The following NUGGC variants were observed in gnomAD, a reference collection of about 807,000 sequenced individuals.
NUGGC encodes the protein nuclear GTPase SLIP-GC.
In NUGGC, 58 loss-of-function variants were observed where a neutral mutation model predicts 92.6. The observed-to-expected ratio is 0.63, with a 90% CI of 0.51 to 0.78. The LOEUF (loss-of-function observed/expected upper bound fraction) is 0.78, where lower values mean the gene tolerates loss of function less well. Among genes scored for constraint, NUGGC ranks in the 30% least tolerant of loss-of-function variants. The pLI, the probability that NUGGC is intolerant of heterozygous loss-of-function variation, is 0.00. For missense variants in NUGGC, 925 were observed against 964.6 expected (o/e 0.96, Z 0.54); for synonymous variants, 376 against 366.4 (o/e 1.03, Z -0.30).
chr8:28,057,626 A>G, intron 9 of NUGGC, among the ~76,000 whole-genome samples: 1 of 152,092 alleles, frequency 6.6e-6, no homozygotes. Flanking sequence ...GGCATGAGTC[A>G]CCAAGTCCTG....
chr8:28,029,029 T>C (rs747956681), intron 17 of NUGGC, among the ~76,000 whole-genome samples: 3 of 152,136 alleles, frequency 2.0e-5, no homozygotes, highest in Non-Finnish European at 2.9e-5. Context: ...TTAAATGAGC[T>C]AATGTAAATA....
At chr8:28,056,383 C>G (rs1810137882) in intron 9 of NUGGC, among the ~76,000 whole-genome samples, 1 of 151,256 alleles carries the variant, frequency 6.6e-6, no homozygotes, top group South Asian at 2.1e-4. Flanking sequence ...GAGGCTGAGG[C>G]AGGAGAATTG....
At chr8:28,065,818 A>G (rs923521717) in intron 6 of NUGGC, among the ~76,000 whole-genome samples, 1 of 152,244 alleles carries the variant, frequency 6.6e-6, no homozygotes, top group African/African-American at 2.4e-5. Context: ...GATTTCATCA[A>G]TTTCAACCAA....
chr8:28,033,015 C>T (rs1454153858), intron 14 of NUGGC, among the ~76,000 whole-genome samples: 2 of 152,056 alleles, frequency 1.3e-5, no homozygotes, highest in African/African-American at 4.8e-5. Context: ...TAAAAGTTAG[C>T]CAGGCATGGT....
At chr8:28,024,195 CTTTTTTTT>C (rs763885790) in intron 18 of NUGGC, among the ~76,000 whole-genome samples, 3 of 124,016 alleles carry the variant, frequency 2.4e-5, no homozygotes, top group African/African-American at 9.1e-5. Context: ...TAAATTCTTT[CTTTTTTTT>C]TTTTTTTTTT....
chr8:28,067,000 G>A (rs1810454418), intron 6 of NUGGC, among the ~76,000 whole-genome samples: 1 of 152,202 alleles, frequency 6.6e-6, no homozygotes, highest in East Asian at 1.9e-4. Context: ...GATGAAAGGG[G>A]AGATGTGGCT....
intron 18 of NUGGC, among the ~76,000 whole-genome samples, chr8:28,024,004 T>C (rs1418644963): frequency 2.6e-5 from 4 of 152,034 alleles, no homozygotes; most frequent in Non-Finnish European, 5.9e-5. Flanking sequence ...GAGATTCACA[T>C]TTAACAGGGA....
Position 28,023,073 on chromosome 8 carries a change from A to G in NUGGC, c.*244T>C, listed in dbSNP as rs1324122283. ...TGACACAGCGAGACTCTGTCTCAAA[A>G]AAAAAAAAAAAAAAATTACCCAGGT... On this transcript the variant is annotated 3_prime_UTR_variant, in exon 19 of 19. Transcript: ENST00000413272. 1 of 298,050 alleles carries G rather than the reference A, an allele frequency of 3.4e-6. No individual in the cohort carries two copies. Among genetic ancestry groups the G allele is most frequent in the Non-Finnish European group, 6.2e-6 (1 of 160,780 alleles). The allele number at this position is 298,050 out of a possible 1,614,324, so 18.5% of individuals were successfully genotyped here. A position where few individuals can be genotyped will look rare whatever the true frequency, so the allele number is the denominator to read the frequency against.
At position 28,070,265 on chromosome 8, in the gene NUGGC, A is replaced by G. The variant is rs547084999; in HGVS notation, c.135T>C (p.Ser45=). 7.0e-5 allele frequency: 108 copies of G among 1,551,072 alleles called. 1 individual carries two copies. In the South Asian group the frequency reaches 1.2e-3, roughly 17 times the overall value. Residue 45 remains serine (S), a synonymous_variant, in exon 3 of 19, where the codon AGT becomes AGC. Transcript: ENST00000413272. ...CAAGACACTCACATTCCTTAAGAGCACTCTGCTCCATGGAGGGAAATGCTC... is the reference window on the plus strand; with the variant it reads ...CAAGACACTCACATTCCTTAAGAGCGCTCTGCTCCATGGAGGGAAATGCTC... ...RFRAFPSMEQ[S]ALKEYEKLES...
intron 7 of NUGGC, among the ~76,000 whole-genome samples, chr8:28,064,097 C>A (rs893825048): frequency 6.6e-6 from 1 of 152,206 alleles, no homozygotes; most frequent in South Asian, 2.1e-4. Flanking sequence ...ACCCTGCCCC[C>A]ACCACGCCAG....
intron 9 of NUGGC, among the ~76,000 whole-genome samples, chr8:28,057,530 C>A (rs974015783): frequency 6.6e-6 from 1 of 151,712 alleles, no homozygotes. Flanking sequence ...TTAGTAGAAA[C>A]GGGGTTTCAC....
intron 6 of NUGGC, among the ~76,000 whole-genome samples, chr8:28,067,276 A>G (rs1810460579): frequency 6.6e-6 from 1 of 152,228 alleles, no homozygotes; most frequent in Admixed American, 6.5e-5. Flanking sequence ...ATTATTCTCA[A>G]GCAACTGTAA....
Position 28,060,616 on chromosome 8 carries a change from C to G in NUGGC, c.922-15G>C. 1 of 1,605,242 alleles carries G rather than the reference C, an allele frequency of 6.2e-7. No homozygotes were observed. The highest frequency in any genetic ancestry group is 8.5e-7 in the Non-Finnish European group (1 of 1,175,422). On this transcript the variant is annotated splice_polypyrimidine_tract_variant and intron_variant, in intron 7 of 18. Transcript: ENST00000413272. ...TTGTCAATGGTCTGCAAAACATGAC[C>G]ACGGCATGTGTCAGCACAGGAATGG...
chr8:28,080,386 T>C (rs1321434239), intron 1 of NUGGC, among the ~76,000 whole-genome samples: 1 of 152,256 alleles, frequency 6.6e-6, no homozygotes, highest in East Asian at 1.9e-4. Flanking sequence ...ACAAATGTCC[T>C]TTTCTTTTCC....
intron 12 of NUGGC, among the ~76,000 whole-genome samples, chr8:28,041,539 G>T (rs975999535): frequency 2.0e-5 from 3 of 152,202 alleles, no homozygotes; most frequent in Admixed American, 6.5e-5. Context: ...AAATCCAATT[G>T]TTATTAAAAC....
chr8:28,071,062 C>T (rs1810579798), intron 2 of NUGGC, among the ~76,000 whole-genome samples: 1 of 152,112 alleles, frequency 6.6e-6, no homozygotes, highest in Admixed American at 6.5e-5. Context: ...GGAAAAAACA[C>T]TGTTGGATCA....
intron 7 of NUGGC, among the ~76,000 whole-genome samples, chr8:28,062,090 T>A (rs935840658): frequency 6.6e-6 from 1 of 152,168 alleles, no homozygotes; most frequent in African/African-American, 2.4e-5. Flanking sequence ...CTACCCTCTG[T>A]CCAGGAACCT....
chr8:28,041,587 A>C (rs780267408), intron 12 of NUGGC, among the ~76,000 whole-genome samples: 5 of 152,258 alleles, frequency 3.3e-5, no homozygotes, highest in Non-Finnish European at 7.3e-5. Context: ...CAAACATTTC[A>C]CGGGCTTGGA....
At chr8:28,059,979 C>T (rs1249236616) in intron 8 of NUGGC, among the ~76,000 whole-genome samples, 1 of 152,002 alleles carries the variant, frequency 6.6e-6, no homozygotes, top group Non-Finnish European at 1.5e-5. Flanking sequence ...TGAGATCGTG[C>T]CATTGCACTC....
Sources: allele counts gnomAD v4.1 joint callset (sites outside exome capture counted in the v4.1 genomes callset), GRCh38; gene constraint gnomAD v4.1.1; transcripts MANE v1.5; gene names NCBI Gene and HGNC (gene_info 2026-07-23, HGNC 2026-07-21).